The following WDR48 variants were observed in gnomAD, a reference collection of about 807,000 sequenced individuals.
WDR48 encodes WD repeat domain 48, also known as WD repeat-containing protein 48.
WDR48 carries 22 observed loss-of-function variants against 94.0 expected under a neutral mutation model. That is an observed-to-expected ratio of 0.23 (90% CI 0.17 to 0.33). WDR48 has a LOEUF of 0.33. WDR48 is among the 10% of genes least tolerant of loss of function. WDR48 has a pLI of 1.00. For synonymous variants in WDR48, 278 were observed against 280.5 expected, an observed-to-expected ratio of 0.99 and a Z score of 0.09; for missense variants, 541 against 813.8, an observed-to-expected ratio of 0.66 and a Z score of 4.08.
intron 17 of WDR48, among the ~76,000 whole-genome samples, chr3:39,092,906 CAATT>C (rs2035157907): frequency 6.6e-6 from 1 of 151,680 alleles, no homozygotes; most frequent in Non-Finnish European, 1.5e-5. Context: ...CACACACACA[CAATT>C]ATTTTAAAGT....
At chr3:39,056,772 T>C (rs2032918780) in intron 1 of WDR48, among the ~76,000 whole-genome samples, 1 of 152,204 alleles carries the variant, frequency 6.6e-6, no homozygotes, top group South Asian at 2.1e-4. Context: ...TTATATTACT[T>C]TCTTAAGGTA....
intron 9 of WDR48, 131 bp downstream of exon 9, chr3:39,077,344 A>G (rs2034284738): frequency 1.3e-6 from 1 of 798,430 alleles, no homozygotes; most frequent in African/African-American, 1.7e-5. Context: ...AAAAACCTGA[A>G]AGCCCTGTGA....
intron 11 of WDR48, among the ~76,000 whole-genome samples, chr3:39,080,960 C>T (rs1417983959): frequency 1.3e-5 from 2 of 152,140 alleles, no homozygotes; most frequent in African/African-American, 4.8e-5. Flanking sequence ...TCCCAAAGAG[C>T]CTTAAGCTGC....
intron 18 of WDR48, chr3:39,094,403 A>G: frequency 6.7e-7 from 1 of 1,502,578 alleles, no homozygotes; most frequent in East Asian, 2.5e-5. Context: ...AGATGCACTC[A>G]AAACGTATCC....
chr3:39,075,000 G>A, intron 8 of WDR48, 50 bp downstream of exon 8: 1 of 1,567,810 alleles, frequency 6.4e-7, no homozygotes, highest in African/African-American at 1.4e-5. Flanking sequence ...TGTTACATGT[G>A]TTAGCCAAAT....
chr3:39,085,749 A>G (rs2034778186), intron 14 of WDR48, 139 bp downstream of exon 14: 2 of 687,648 alleles, frequency 2.9e-6, no homozygotes, highest in East Asian at 2.7e-5. Context: ...TCCATATCTC[A>G]AAGTAGGAAC....
At chr3:39,056,929 C>T (rs767327840) in intron 1 of WDR48, among the ~76,000 whole-genome samples, 2 of 151,854 alleles carry the variant, frequency 1.3e-5, no homozygotes, top group Non-Finnish European at 2.9e-5. Flanking sequence ...GGGCAGTCAG[C>T]CTAGATTGTA....
At chr3:39,079,930 G>T (rs2034432097) in intron 11 of WDR48, 122 bp downstream of exon 11, 1 of 491,636 alleles carries the variant, frequency 2.0e-6, no homozygotes, top group South Asian at 4.8e-5. Context: ...TTTATGGGGT[G>T]GTATATACTT....
chr3:39,053,556 A>G (rs2032634677), intron 1 of WDR48, among the ~76,000 whole-genome samples: 1 of 152,220 alleles, frequency 6.6e-6, no homozygotes, highest in African/African-American at 2.4e-5. Flanking sequence ...ACTGAAATAT[A>G]ACTCAAAAAG....
intron 14 of WDR48, among the ~76,000 whole-genome samples, chr3:39,086,933 C>T (rs995409281): frequency 6.6e-6 from 1 of 152,138 alleles, no homozygotes. Context: ...GCAGCATACT[C>T]AGTGGACACT....
intron 11 of WDR48, among the ~76,000 whole-genome samples, chr3:39,081,476 A>C (rs2034532698): frequency 6.6e-6 from 1 of 152,104 alleles, no homozygotes; most frequent in Non-Finnish European, 1.5e-5. Context: ...AAATCTGATT[A>C]GTTTTTCTCT....
intron 3 of WDR48, among the ~76,000 whole-genome samples, chr3:39,066,346 A>T (rs1187780828): frequency 6.6e-6 from 1 of 152,112 alleles, no homozygotes; most frequent in East Asian, 1.9e-4. Context: ...TTAAAAATAT[A>T]TTTTTTTCTT....
intron 1 of WDR48, among the ~76,000 whole-genome samples, chr3:39,055,704 T>C (rs2032833657): frequency 6.6e-6 from 1 of 152,334 alleles, no homozygotes; most frequent in South Asian, 2.1e-4. Flanking sequence ...GTAACCAGGA[T>C]ATCAAAGCAA....
In WDR48 at chr3:39,054,396, C is replaced by T. The variant is rs1430726031; in HGVS notation, c.48+2323C>T. 1.3e-5 allele frequency among the ~76,000 whole-genome samples: 2 copies of T among 152,170 alleles called. 1 individual carries two copies. Among genetic ancestry groups the T allele is most frequent in the South Asian group, 4.1e-4 (2 of 4,828 alleles). ...ACCAACTAGATGTAGTAGCATCTCCCCAGTTGTGACAACTAAAAATGTCTC... is the reference window on the plus strand; with the variant it reads ...ACCAACTAGATGTAGTAGCATCTCCTCAGTTGTGACAACTAAAAATGTCTC... On this transcript the variant is annotated intron_variant, in intron 1 of 18. Transcript: ENST00000302313.
At chr3:39,053,562 A>G (rs1016912874) in intron 1 of WDR48, among the ~76,000 whole-genome samples, 1 of 152,218 alleles carries the variant, frequency 6.6e-6, no homozygotes, top group Non-Finnish European at 1.5e-5. Flanking sequence ...ATATAACTCA[A>G]AAAGTAACCC....
chr3:39,052,334 C>T (rs1575378674), intron 1 of WDR48: 13 of 481,650 alleles, frequency 2.7e-5, no homozygotes, highest in Middle Eastern at 5.7e-4. Flanking sequence ...CGCCGCTCTT[C>T]TGTAGGAGTG....
chr3:39,084,834 C>T (rs980743190), intron 13 of WDR48, 93 bp downstream of exon 13: 3 of 1,054,012 alleles, frequency 2.8e-6, no homozygotes, highest in Non-Finnish European at 4.2e-6. Flanking sequence ...TGTAAAAGTT[C>T]TCTATATTTT....
At chr3:39,058,322 T>C (rs2033031688) in intron 1 of WDR48, among the ~76,000 whole-genome samples, 1 of 152,234 alleles carries the variant, frequency 6.6e-6, no homozygotes, top group African/African-American at 2.4e-5. Flanking sequence ...GTGCTAGAAT[T>C]TATCCAACTA....
rs1403515349 is a variant in WDR48 at position 39,074,175 on chromosome 3, T to C, written c.673-551T>C. Among the ~76,000 whole-genome samples the C allele has an allele frequency of 2.0e-5, 3 of 152,190 alleles. No homozygotes were observed. In the East Asian group the frequency reaches 5.8e-4, roughly 29 times the overall value. Reference sequence around the variant, plus strand: ...CACTGCTTTCAAACTCTATCTCCCTTAGTAGTAGATAATGCGAGTAGGGCT... The same window carrying C: ...CACTGCTTTCAAACTCTATCTCCCTCAGTAGTAGATAATGCGAGTAGGGCT... On this transcript the variant is annotated intron_variant, in intron 7 of 18. Transcript: ENST00000302313.
Sources: allele counts gnomAD v4.1 joint callset (sites outside exome capture counted in the v4.1 genomes callset), GRCh38; gene constraint gnomAD v4.1.1; transcripts MANE v1.5; gene names NCBI Gene and HGNC (gene_info 2026-07-23, HGNC 2026-07-21).